RP1L1: variants seen among roughly 807,000 people sequenced by gnomAD.
RP1L1 encodes retinitis pigmentosa 1-like 1 protein.
A neutral mutation model predicts 15.7 loss-of-function variants in RP1L1; 27 were observed. The ratio of observed to expected loss-of-function variants is 1.72; its 90% CI spans 1.27 to 2.38. RP1L1 has a LOEUF of 2.38. Ranked by LOEUF, RP1L1 falls within the 30% of genes most tolerant of loss-of-function variation. The pLI, the probability that RP1L1 is intolerant of heterozygous loss-of-function variation, is 0.00. For synonymous variants in RP1L1, 1,813 were observed against 1,276.7 expected (o/e 1.42, Z -8.96); for missense variants, 4,798 against 3,075.9 (o/e 1.56, Z -13.24).
In RP1L1 at chr8:10,611,531, G is replaced by A. The variant is rs199984803; in HGVS notation, c.2567C>T (p.Pro856Leu). The change falls in exon 4 of 4, where the codon CCG becomes CTG. Residue 856 changes from proline to leucine, a missense_variant. Physicochemically the swap from Pro to Leu is moderately conservative, Grantham distance 98 (BLOSUM62 -3). Transcript: ENST00000382483. ...CTGGGGGCAGGGCCGCCCCCTGGGC[G>A]GGGTGGGACAGTACCTGCCACACAG... ...SWLCGRYCPT[P>L]PRGRPCPQRR... The A allele has an allele frequency of 3.4e-5, 54 of 1,586,590 alleles. No individual in the cohort carries two copies. The East Asian group carries it at 4.1e-4, about 12-fold the overall frequency.
rs1457653832 is a variant in RP1L1, at chr8:10,608,678, C to T, written c.5420G>A (p.Gly1807Asp). ...CTGCAAGTTGTCCTCATGCCCAGAG[C>T]CTTGACCCCCAGTTTCTCCCCTTTC... The part of the protein sequence containing the change: ...ISERGETGGQ[G>D]SGHEDNLQGE... The change falls in exon 4 of 4, where the codon GGC becomes GAC. Residue 1807 changes from glycine (G) to aspartate (D), a missense_variant. Transcript: ENST00000382483. The T allele has an allele frequency of 6.2e-7, 1 of 1,614,200 alleles. No individual in the cohort carries two copies. Among genetic ancestry groups the T allele is most frequent in the Non-Finnish European group, 8.5e-7 (1 of 1,180,038 alleles).
At chr8:10,637,729 C>A (rs1486874566) in intron 1 of RP1L1, among the ~76,000 whole-genome samples, 1 of 152,164 alleles carries the variant, frequency 6.6e-6, no homozygotes, top group African/African-American at 2.4e-5. Context: ...TCTGTGGTAA[C>A]TTATCTCCTG....
chr8:10,607,927 G>A lies in RP1L1; in HGVS notation c.6171C>T (p.Ala2057=), dbSNP rs765544259. The change falls in exon 4 of 4, where the codon GCC becomes GCT. Residue 2057 remains alanine (A), a synonymous_variant. Transcript: ENST00000382483. The part of the protein sequence containing the change: ...DAQPESDGVE[A]PEAEEEAQEA... ...CCTGTGCCTCCTCTTCTGCCTCCGG[G>A]GCCTCTACACCGTCTGACTCTGGCT... 2 of 1,606,844 alleles carry A rather than the reference G, an allele frequency of 1.2e-6. No homozygotes were observed. Among genetic ancestry groups the A allele is most frequent in the South Asian group, 2.2e-5 (2 of 90,744 alleles).
At chr8:10,634,884 G>A (rs368460735) in intron 1 of RP1L1, among the ~76,000 whole-genome samples, 1 of 152,048 alleles carries the variant, frequency 6.6e-6, no homozygotes, top group Non-Finnish European at 1.5e-5. Flanking sequence ...GGACACCAAG[G>A]GTCCTTGCCC....
At chr8:10,641,714 G>T (rs946154952) in intron 1 of RP1L1, among the ~76,000 whole-genome samples, 3 of 152,182 alleles carry the variant, frequency 2.0e-5, no homozygotes, top group African/African-American at 7.2e-5. Flanking sequence ...TTGTAAAAAA[G>T]TATTCATAGC....
At chr8:10,623,299 G>A in intron 1 of RP1L1, 79 bp from the exon 2 acceptor site, 1 of 1,083,430 alleles carries the variant, frequency 9.2e-7, no homozygotes, top group Non-Finnish European at 1.3e-6. Flanking sequence ...TCTTTCTAGA[G>A]GTGCTTCCTG....
In RP1L1 at chr8:10,610,907, G is replaced by A. The variant is rs866356785; in HGVS notation, c.3191C>T (p.Ala1064Val). 21 of 1,610,778 alleles carry A rather than the reference G, an allele frequency of 1.3e-5. No homozygotes were observed. Among genetic ancestry groups the A allele is most frequent in the Non-Finnish European group, 1.8e-5 (21 of 1,179,186 alleles). Reference sequence around the variant, plus strand: ...CAGGCTCACCCTGCAGCCTGCTGGGGCCTCTCTGTCTGCTCCGGCCTCTGC... The same window carrying A: ...CAGGCTCACCCTGCAGCCTGCTGGGACCTCTCTGTCTGCTCCGGCCTCTGC... ...APAEAGADRE[A>V]PAGCRVSLRA... Residue 1064 changes from alanine (A) to valine (V), a missense_variant, in exon 4 of 4, where the codon GCC (alanine) becomes GTC (valine). Physicochemically the swap from Ala to Val is moderately conservative, Grantham distance 64. Coordinates refer to ENST00000382483, the MANE Select transcript of RP1L1 (RefSeq NM_178857.6).
chr8:10,622,230 G>A (rs576592754), intron 2 of RP1L1, among the ~76,000 whole-genome samples: 1 of 150,490 alleles, frequency 6.6e-6, no homozygotes, highest in African/African-American at 2.4e-5. Context: ...TGAGACAGGA[G>A]AATCATTGGA....
intron 1 of RP1L1, among the ~76,000 whole-genome samples, chr8:10,624,232 A>G (rs1798121445): frequency 1.3e-5 from 2 of 152,226 alleles, no homozygotes; most frequent in African/African-American, 4.8e-5. Context: ...CTGAGCATCT[A>G]TTGCATCAGG....
Position 10,607,731 on chromosome 8 carries a change from C to T in RP1L1, c.6367G>A (p.Gly2123Arg), listed in dbSNP as rs757772383. 6.2e-7 allele frequency: 1 copy of T among 1,612,216 alleles called. No individual in the cohort carries two copies. ...AEGIEAPETE[G>R]EAQPESEGIE... is the part of the protein sequence containing the mutation. Reference sequence around the variant, plus strand: ...CCTTCTGACTCTGGCTGGGCCTCCCCTTCAGTCTCTGGGGCCTCTATACCT... The same window carrying T: ...CCTTCTGACTCTGGCTGGGCCTCCCTTTCAGTCTCTGGGGCCTCTATACCT... The change falls in exon 4 of 4, where the codon GGG becomes AGG. Residue 2123 changes from glycine to arginine, a missense_variant. Transcript: ENST00000382483.
At chr8:10,620,547 A>G (rs1798041468) in intron 2 of RP1L1, among the ~76,000 whole-genome samples, 1 of 152,178 alleles carries the variant, frequency 6.6e-6, no homozygotes, top group African/African-American at 2.4e-5. Flanking sequence ...CAGAGGTTGC[A>G]GTGAGCCGAG....
In RP1L1 at chr8:10,610,759, G is replaced by T; in HGVS notation, c.3339C>A (p.Cys1113Ter). The part of the protein sequence containing the change: ...VSRPMARRLS[C>*]SAGALITCLA... ...GACAAGTAATGAGGGCCCCGGCTGA[G>T]CAGCTGAGCCTCCTGGCCATGGGCC... Residue 1113 changes from cysteine to a stop codon, truncating the protein, a stop_gained, in exon 4 of 4, where the codon TGC (cysteine) becomes TGA (stop). Transcript: ENST00000382483. LOFTEE classifies it low-confidence loss of function (END_TRUNC). The T allele has an allele frequency of 1.2e-6, 2 of 1,613,378 alleles. No homozygotes were observed. The highest frequency in any genetic ancestry group is 1.3e-5 in the African/African-American group (1 of 75,066).
At position 10,616,019 on chromosome 8, in the gene RP1L1, C is replaced by T. The variant is rs570971947; in HGVS notation, c.751+427G>A. Among the ~76,000 whole-genome samples the T allele has an allele frequency of 6.6e-5, 10 of 152,318 alleles. No homozygotes were observed. In the South Asian group the frequency reaches 2.1e-3, roughly 32 times the overall value. ...TCCTAGGCTCAAGGGATCCTCCCAC[C>T]TCAGCCTCCCAAGTAGCTGAAACTA... On this transcript the variant is annotated intron_variant, in intron 3 of 3. Transcript: ENST00000382483.
At chr8:10,650,867 G>C (rs1169117470) in intron 1 of RP1L1, among the ~76,000 whole-genome samples, 1 of 152,162 alleles carries the variant, frequency 6.6e-6, no homozygotes, top group African/African-American at 2.4e-5. Context: ...ACACTCAGCT[G>C]ACTCTGTAGT....
Position 10,607,211 on chromosome 8 carries a change from G to C in RP1L1, c.6887C>G (p.Thr2296Arg), listed in dbSNP as rs781692728. ...GGATGCTCTGGAGGAGGAAGGGCCT[G>C]TTTGGGAGCCTGGCCTTTGGTGGGG... ...DTPHQRPGSQ[T>R]GPSSSRASSW... Residue 2296 changes from threonine to arginine, a missense_variant, in exon 4 of 4, where the codon ACA becomes AGA. Coordinates refer to ENST00000382483, the MANE Select transcript of RP1L1 (RefSeq NM_178857.6). 2 of 1,614,190 alleles carry C rather than the reference G, an allele frequency of 1.2e-6. No homozygotes were observed. Among genetic ancestry groups the C allele is most frequent in the East Asian group, 2.2e-5 (1 of 44,878 alleles).
rs1022582553 is a variant in RP1L1, at chr8:10,611,426, C to G, written c.2672G>C (p.Gly891Ala). The change falls in exon 4 of 4, where the codon GGG (glycine) becomes GCG (alanine). Residue 891 changes from glycine (G) to alanine (A), a missense_variant. Coordinates refer to ENST00000382483, the MANE Select transcript of RP1L1 (RefSeq NM_178857.6). ...CGGCGTGGGGCCTGGCTGGCGTGTC[C>G]CCTCCTGCGGGCTCCCACCTGGCCC... is the stretch of plus-strand genomic sequence containing the variant. ...ARGPGGSPQE[G>A]TRQPGPTPSP... is the part of the protein sequence containing the mutation. The G allele has an allele frequency of 1.3e-6, 2 of 1,582,100 alleles. No individual in the cohort carries two copies. The highest frequency in any genetic ancestry group is 3.6e-5 in the Admixed American group (2 of 55,266).
intron 1 of RP1L1, among the ~76,000 whole-genome samples, chr8:10,632,064 G>T (rs931029164): frequency 6.6e-6 from 1 of 152,200 alleles, no homozygotes; most frequent in Non-Finnish European, 1.5e-5. Flanking sequence ...GGGGCCACCA[G>T]AGGACAGGTC....
intron 1 of RP1L1, among the ~76,000 whole-genome samples, chr8:10,631,399 A>ATT (rs1798249288): frequency 6.8e-6 from 1 of 147,686 alleles, no homozygotes; most frequent in African/African-American, 2.5e-5. Context: ...ACACACACGC[A>ATT]CACACACGCA....
At chr8:10,622,488 A>G in intron 2 of RP1L1, 105 bp downstream of exon 2, 1 of 1,464,640 alleles carries the variant, frequency 6.8e-7, no homozygotes, top group Non-Finnish European at 9.5e-7. Flanking sequence ...GCAGCAGGGC[A>G]ATCAAATGCC....
Sources: gnomAD v4.1 joint callset for allele counts (sites outside exome capture counted in the v4.1 genomes callset) on GRCh38, gnomAD v4.1.1 for gene constraint, MANE v1.5 for transcripts, NCBI Gene and HGNC (gene_info 2026-07-23, HGNC 2026-07-21) for gene names.